Variants in AUTS2 observed in about 807,000 individuals in gnomAD.
AUTS2 encodes activator of transcription and developmental regulator AUTS2.
A neutral mutation model predicts 112.4 loss-of-function variants in AUTS2; 17 were observed. The ratio of observed to expected loss-of-function variants is 0.15; its 90% confidence interval spans 0.10 to 0.23. The LOEUF (loss-of-function observed/expected upper bound fraction) is 0.23. Among genes scored for constraint, AUTS2 ranks in the 10% least tolerant of loss-of-function variants. The pLI is 1.00. For synonymous variants in AUTS2, 751 were observed against 702.7 expected, an observed-to-expected ratio of 1.07 and a Z score of -1.09; for missense variants, 1,510 against 1,701.6, an observed-to-expected ratio of 0.89 and a Z score of 1.98.
intron 2 of AUTS2, among the ~76,000 whole-genome samples, chr7:70,058,021 G>C (rs558431883): frequency 1.3e-5 from 2 of 152,178 alleles, no homozygotes; most frequent in Admixed American, 6.5e-5. Context: ...TGAAAAGACA[G>C]TCATGGGAAT....
At chr7:69,872,729 A>G (rs1161788479) in intron 1 of AUTS2, among the ~76,000 whole-genome samples, 1 of 151,628 alleles carries the variant, frequency 6.6e-6, no homozygotes, top group Non-Finnish European at 1.5e-5. Context: ...TAGAAGGTGC[A>G]GTTAAAACTA....
intron 2 of AUTS2, among the ~76,000 whole-genome samples, chr7:69,928,469 C>T (rs1172146578): frequency 6.6e-6 from 1 of 152,220 alleles, no homozygotes; most frequent in Non-Finnish European, 1.5e-5. Flanking sequence ...CCAGGAGGCA[C>T]CTGCAGGCCT....
At chr7:69,735,904 G>C (rs926246718) in intron 1 of AUTS2, among the ~76,000 whole-genome samples, 1 of 152,202 alleles carries the variant, frequency 6.6e-6, no homozygotes, top group Non-Finnish European at 1.5e-5. Context: ...AGATTTAAAA[G>C]TCCTTTCTAA....
chr7:70,491,419 T>TACAC (rs141971563), intron 5 of AUTS2, among the ~76,000 whole-genome samples: 134 of 140,264 alleles, frequency 9.6e-4, no homozygotes, highest in Admixed American at 3.3e-3. Context: ...CGTGTGTGTA[T>TACAC]ACACACACAC....
intron 5 of AUTS2, among the ~76,000 whole-genome samples, chr7:70,454,420 CCAGCTA>C (rs1796652954): frequency 1.3e-5 from 2 of 151,984 alleles, no homozygotes; most frequent in Non-Finnish European, 2.9e-5. Context: ...ACCTGTAATC[CCAGCTA>C]CTCTGGAGGC....
intron 1 of AUTS2, among the ~76,000 whole-genome samples, chr7:69,878,808 C>T (rs1034551015): frequency 1.3e-5 from 2 of 152,204 alleles, no homozygotes; most frequent in African/African-American, 4.8e-5. Context: ...TGGCTTTCAT[C>T]TCTGCATAGC....
intron 4 of AUTS2, among the ~76,000 whole-genome samples, chr7:70,392,646 C>T (rs1451768053): frequency 1.3e-5 from 2 of 152,216 alleles, no homozygotes; most frequent in Admixed American, 1.3e-4. Flanking sequence ...ACATCTGCTG[C>T]GTATTGTAAA....
chr7:69,701,249 G>A (rs1009262203), intron 1 of AUTS2, among the ~76,000 whole-genome samples: 16 of 152,196 alleles, frequency 1.1e-4, no homozygotes, highest in African/African-American at 1.9e-4. Context: ...CCGAAAAGTC[G>A]TACAGGGCAG....
At chr7:69,697,042 GA>G (rs1185106382) in intron 1 of AUTS2, among the ~76,000 whole-genome samples, 1 of 152,200 alleles carries the variant, frequency 6.6e-6, no homozygotes, top group East Asian at 1.9e-4. Context: ...GAAACTGTTG[GA>G]CAATGATTCT....
chr7:70,400,129 A>G (rs1281861182), intron 4 of AUTS2, among the ~76,000 whole-genome samples: 1 of 152,082 alleles, frequency 6.6e-6, no homozygotes, highest in African/African-American at 2.4e-5. Flanking sequence ...GATCCTTGCA[A>G]TGGGCTTTAA....
intron 1 of AUTS2, among the ~76,000 whole-genome samples, chr7:69,891,631 A>G (rs1359378639): frequency 2.1e-5 from 3 of 144,090 alleles, no homozygotes; most frequent in East Asian, 2.0e-4. Context: ...ATCCTTGCCC[A>G]CTCTCGGTAG....
chr7:70,712,193 CTTTTTTTTTTTT>C (rs67326941), intron 6 of AUTS2, among the ~76,000 whole-genome samples: 3 of 45,084 alleles, frequency 6.7e-5, no homozygotes, highest in South Asian at 1.2e-3. Context: ...GCCTGGCTCA[CTTTTTTTTTTTT>C]TTTTTTTTTT....
At chr7:70,299,046 A>G (rs543425444) in intron 4 of AUTS2, among the ~76,000 whole-genome samples, 4 of 152,264 alleles carry the variant, frequency 2.6e-5, no homozygotes, top group Non-Finnish European at 5.9e-5. Flanking sequence ...GATCAGTTCA[A>G]TGAAAATGCA....
At chr7:70,575,054 G>A (rs1306883617) in intron 5 of AUTS2, among the ~76,000 whole-genome samples, 5 of 152,180 alleles carry the variant, frequency 3.3e-5, no homozygotes, top group African/African-American at 1.2e-4. Context: ...GTTCCGCTCG[G>A]TTGCATAACC....
intron 5 of AUTS2, among the ~76,000 whole-genome samples, chr7:70,592,146 C>T (rs968485491): frequency 1.2e-4 from 18 of 152,044 alleles, no homozygotes; most frequent in East Asian, 3.9e-4. Context: ...TATTTGCCAT[C>T]GATATATATT....
At chr7:70,538,902 G>A (rs1800431963) in intron 5 of AUTS2, among the ~76,000 whole-genome samples, 1 of 152,152 alleles carries the variant, frequency 6.6e-6, no homozygotes, top group African/African-American at 2.4e-5. Flanking sequence ...GCCAGGTATA[G>A]TGATGGGTTC....
At chr7:69,674,957 T>C (rs1358293283) in intron 1 of AUTS2, among the ~76,000 whole-genome samples, 1 of 152,200 alleles carries the variant, frequency 6.6e-6, no homozygotes, top group East Asian at 1.9e-4. Context: ...GTATTTTCTT[T>C]AGTTGGTTGC....
chr7:70,085,368 AC>A (rs1488077059), intron 2 of AUTS2, among the ~76,000 whole-genome samples: 1 of 147,864 alleles, frequency 6.8e-6, no homozygotes, highest in Non-Finnish European at 1.5e-5. Context: ...ATTTTTGCAT[AC>A]TTTTTTTTTT....
At chr7:69,999,864 TTGAGTTA>T in intron 2 of AUTS2, among the ~76,000 whole-genome samples, 2 of 152,232 alleles carry the variant, frequency 1.3e-5, no homozygotes, top group East Asian at 1.9e-4. Flanking sequence ...TTTGCAGCTT[TTGAGTTA>T]TGGAGAGGTG....
Sources: allele counts gnomAD v4.1 joint callset (sites outside exome capture counted in the v4.1 genomes callset), GRCh38; gene constraint gnomAD v4.1.1; transcripts MANE v1.5; gene names NCBI Gene and HGNC (gene_info 2026-07-23, HGNC 2026-07-21).